Variants in ITGA1 observed in about 807,000 individuals in gnomAD.
ITGA1 encodes integrin alpha-1.
A neutral mutation model predicts 145.9 loss-of-function variants in ITGA1; 85 were observed. That is an observed-to-expected ratio of 0.58 (90% CI 0.49 to 0.70). The LOEUF (loss-of-function observed/expected upper bound fraction) is 0.70, where lower values mean the gene tolerates loss of function less well. Among genes scored for constraint, ITGA1 ranks in the 30% least tolerant of loss-of-function variants. The pLI is 0.00. For missense variants in ITGA1, 1,351 were observed against 1,418.7 expected (o/e 0.95, Z 0.77); for synonymous variants, 520 against 495.3 (o/e 1.05, Z -0.66).
chr5:52,823,934 T>C (rs1205020813), intron 1 of ITGA1, among the ~76,000 whole-genome samples: 1 of 152,238 alleles, frequency 6.6e-6, no homozygotes, highest in African/African-American at 2.4e-5. Context: ...ATTTTACAAG[T>C]ATACGGAATA....
intron 1 of ITGA1, among the ~76,000 whole-genome samples, chr5:52,807,461 GT>G (rs1748605976): frequency 6.6e-6 from 1 of 152,162 alleles, no homozygotes; most frequent in African/African-American, 2.4e-5. Flanking sequence ...CAAAATAACA[GT>G]TAGTGGGTGT....
intron 6 of ITGA1, among the ~76,000 whole-genome samples, chr5:52,871,111 G>C (rs1204409218): frequency 6.6e-6 from 1 of 152,142 alleles, no homozygotes; most frequent in African/African-American, 2.4e-5. Flanking sequence ...TTCTTACCTC[G>C]TGTAAGCCCT....
chr5:52,911,978 A>ATAGTGTATC lies in ITGA1; in HGVS notation c.1857+1561_1857+1562insGTGTATCTA, dbSNP rs1561246711. On this transcript the variant is annotated intron_variant, in intron 14 of 28. Transcript: ENST00000282588. ...ACTATATATAGTGTATCTACTATAT[A>ATAGTGTATC]TACTATATGTATAGTGTGTATCTAC... Among the ~76,000 whole-genome samples the ATAGTGTATC allele has an allele frequency of 4.1e-3, 310 of 75,832 alleles. 9 individuals carry two copies. Among genetic ancestry groups the ATAGTGTATC allele is most frequent in the African/African-American group, 0.013 (295 of 23,080 alleles). The allele number at this position is 75,832 out of a possible 152,430, so 49.7% of individuals were successfully genotyped here.
intron 6 of ITGA1, 105 bp from the exon 7 acceptor site, chr5:52,881,768 C>A (rs1450173933): frequency 1.9e-6 from 2 of 1,037,214 alleles, no homozygotes; most frequent in South Asian, 2.1e-5. Context: ...GATAGGTTTG[C>A]AAACTCATCT....
intron 2 of ITGA1, among the ~76,000 whole-genome samples, chr5:52,849,869 G>A (rs957862922): frequency 1.3e-5 from 2 of 152,122 alleles, no homozygotes; most frequent in African/African-American, 2.4e-5. Context: ...GCTCTGAAAG[G>A]GTTTAACACA....
intron 28 of ITGA1, among the ~76,000 whole-genome samples, chr5:52,948,106 T>C (rs899563753): frequency 1.2e-4 from 19 of 152,194 alleles, no homozygotes; most frequent in Non-Finnish European, 8.8e-5. Context: ...TGGATATTTA[T>C]GTAATGTTTT....
rs1579722189 is a variant in ITGA1 at position 52,922,803 on chromosome 5, G to A, written c.2319G>A (p.Val773=). 6.2e-7 allele frequency: 1 copy of A among 1,612,930 alleles called. No individual in the cohort carries two copies. The highest frequency in any genetic ancestry group is 8.5e-7 in the Non-Finnish European group (1 of 1,178,962). Residue 773 remains valine (V), a synonymous_variant, in exon 18 of 29, where the codon GTG becomes GTA. Transcript: ENST00000282588. The stretch of plus-strand genomic sequence containing the variant: ...ACAAGCATGACTTTCAGGACTCTGT[G>A]AGAATAACGTTGGACTTTAATCTTA... ...MLDKHDFQDS[V]RITLDFNLTD... is the part of the protein sequence containing the mutation.
intron 13 of ITGA1, 30 bp downstream of exon 13, chr5:52,909,071 A>T (rs1292059472): frequency 5.7e-6 from 9 of 1,587,246 alleles, no homozygotes; most frequent in Non-Finnish European, 7.7e-6. Context: ...GTAGAAATCC[A>T]GGAAAATCTC....
chr5:52,920,468 G>T lies in ITGA1; in HGVS notation c.2292G>T (p.Leu764Phe). Residue 764 changes from leucine (L) to phenylalanine (F), a missense_variant and splice_region_variant, in exon 17 of 29, where the codon TTG (leucine) becomes TTT (phenylalanine). Physicochemically the swap from Leu to Phe is conservative, Grantham distance 22. Coordinates refer to ENST00000282588, the MANE Select transcript of ITGA1 (RefSeq NM_181501.2). ...SECTKHSFYM[L>F]DKHDFQDSVR... is the part of the protein sequence containing the mutation. ...GCACTAAGCACTCCTTCTACATGTT[G>T]GCAAGTAAATCATATATCGTTGCTG... 6.3e-7 allele frequency: 1 copy of T among 1,592,342 alleles called. No homozygotes were observed. The highest frequency in any genetic ancestry group is 1.2e-5 in the South Asian group (1 of 86,810).
chr5:52,794,662 A>C (rs1036152421), intron 1 of ITGA1, among the ~76,000 whole-genome samples: 3 of 151,498 alleles, frequency 2.0e-5, no homozygotes, highest in African/African-American at 7.2e-5. Flanking sequence ...AAAAAAAAAA[A>C]CAAATAAAAC....
At chr5:52,826,330 A>G (rs1748961753) in intron 1 of ITGA1, among the ~76,000 whole-genome samples, 1 of 152,228 alleles carries the variant, frequency 6.6e-6, no homozygotes, top group Non-Finnish European at 1.5e-5. Flanking sequence ...AAGCTGCAGA[A>G]GAAAAGTTGG....
intron 15 of ITGA1, among the ~76,000 whole-genome samples, chr5:52,916,623 C>A (rs2111865932): frequency 6.6e-6 from 1 of 151,550 alleles, no homozygotes; most frequent in African/African-American, 2.4e-5. Flanking sequence ...AAAACCTTTA[C>A]AATAGAGGGG....
At chr5:52,912,584 CA>C (rs1750578178) in intron 14 of ITGA1, among the ~76,000 whole-genome samples, 1 of 129,314 alleles carries the variant, frequency 7.7e-6, no homozygotes, top group African/African-American at 2.9e-5. Context: ...ATAGTGTATC[CA>C]CTATAGGTAT....
At position 52,922,974 on chromosome 5, in the gene ITGA1, T is replaced by A. The variant is rs1002707197; in HGVS notation, c.2403+87T>A. On this transcript the variant is annotated intron_variant, in intron 18 of 28. Transcript: ENST00000282588. Reference sequence around the variant, plus strand: ...AACTGTGTTTTTTCACTACTCTGCATTGATCACAAAGAACGAACAACTAAC... The same window carrying A: ...AACTGTGTTTTTTCACTACTCTGCAATGATCACAAAGAACGAACAACTAAC... 37 of 744,382 alleles carry A rather than the reference T, an allele frequency of 5.0e-5. No individual in the cohort carries two copies. In the African/African-American group the frequency reaches 5.8e-4, roughly 12 times the overall value. The allele number at this position is 744,382 out of a possible 1,614,324, so 46.1% of individuals were successfully genotyped here. A position where few individuals can be genotyped will look rare whatever the true frequency, so the allele number is the denominator to read the frequency against.
intron 1 of ITGA1, among the ~76,000 whole-genome samples, chr5:52,828,447 G>A (rs1749004166): frequency 6.6e-6 from 1 of 151,984 alleles, no homozygotes; most frequent in African/African-American, 2.4e-5. Flanking sequence ...TTGGCCATTT[G>A]TGTAACTTAT....
At chr5:52,893,506 T>A (rs1200758068) in intron 8 of ITGA1, among the ~76,000 whole-genome samples, 169 bp from the exon 9 acceptor site, 1 of 152,170 alleles carries the variant, frequency 6.6e-6, no homozygotes, top group Admixed American at 6.6e-5. Context: ...ACAGTTAATA[T>A]TAGGGAGTCT....
intron 12 of ITGA1, 151 bp from the exon 13 acceptor site, chr5:52,908,747 A>G (rs1561244731): frequency 8.3e-6 from 6 of 720,574 alleles, no homozygotes; most frequent in Non-Finnish European, 6.8e-6. Context: ...GAGCCAATAA[A>G]TAACTTTCAG....
At chr5:52,904,627 A>T (rs1469413881) in intron 11 of ITGA1, 1 of 151,986 alleles carries the variant, frequency 6.6e-6, no homozygotes, top group Non-Finnish European at 1.5e-5. Context: ...GGCTGAGGCG[A>T]GTGCATCAGG....
At position 52,849,760 on chromosome 5, in the gene ITGA1, GT is replaced by G. The variant is rs137998318; in HGVS notation, c.182+281del. Among the ~76,000 whole-genome samples, 924 of 152,214 alleles carry G rather than the reference GT, an allele frequency of 6.1e-3. 12 individuals carry two copies. Among genetic ancestry groups the G allele is most frequent in the African/African-American group, 0.021 (886 of 41,544 alleles). ...AAAAAAGCTATTGTTCCATAATTAT[GT>G]TTTTTGGCAAGAATTCTTTAATTGT... On this transcript the variant is annotated intron_variant, in intron 2 of 28. Transcript: ENST00000282588.
Sources: gnomAD v4.1 joint callset for allele counts (sites outside exome capture counted in the v4.1 genomes callset) on GRCh38, gnomAD v4.1.1 for gene constraint, MANE v1.5 for transcripts, NCBI Gene and HGNC (gene_info 2026-07-23, HGNC 2026-07-21) for gene names.